CACNB4: variants seen among roughly 807,000 people sequenced by gnomAD.
The protein encoded by CACNB4 is voltage-dependent L-type calcium channel subunit beta-4.
A neutral mutation model predicts 71.2 loss-of-function variants in CACNB4; 32 were observed. That is an observed-to-expected ratio of 0.45 (90% confidence interval 0.34 to 0.60). The LOEUF (loss-of-function observed/expected upper bound fraction) is 0.60. Among genes scored for constraint, CACNB4 ranks in the 20% least tolerant of loss-of-function variants. The pLI is 0.01. For synonymous variants in CACNB4, 231 were observed against 236.9 expected (o/e 0.97, Z 0.23); for missense variants, 464 against 647.9 (o/e 0.72, Z 3.08).
At position 151,838,156 on chromosome 2, in the gene CACNB4, C is replaced by T. The variant is rs540348625; in HGVS notation, c.*963G>A. 1.3e-5 allele frequency: 2 copies of T among 152,648 alleles called. No individual in the cohort carries two copies. Among genetic ancestry groups the T allele is most frequent in the South Asian group, 4.1e-4 (2 of 4,826 alleles). 9.5% of individuals were successfully genotyped at this position (152,648 alleles called of 1,614,324 possible). A position where few individuals can be genotyped will look rare whatever the true frequency, so the allele number is the denominator to read the frequency against. ...TGAATTCCCACCTGGAAGTGTTTAG[C>T]ATTGCACTCGGGAGGATTGGTACCA... On this transcript the variant is annotated 3_prime_UTR_variant, in exon 14 of 14. Transcript: ENST00000539935.
intron 2 of CACNB4, among the ~76,000 whole-genome samples, chr2:152,071,618 T>C (rs1686695663): frequency 6.6e-6 from 1 of 152,222 alleles, no homozygotes; most frequent in South Asian, 2.1e-4. Flanking sequence ...TTGGTTGGTT[T>C]GGTTTTTAAA....
chr2:152,018,752 C>A (rs1230454636), intron 2 of CACNB4, among the ~76,000 whole-genome samples: 1 of 151,644 alleles, frequency 6.6e-6, no homozygotes, highest in African/African-American at 2.4e-5. Flanking sequence ...TGCAGTGACC[C>A]ATAATTGCAC....
intron 2 of CACNB4, among the ~76,000 whole-genome samples, chr2:151,984,701 C>G (rs1334714026): frequency 6.6e-6 from 1 of 152,146 alleles, no homozygotes; most frequent in East Asian, 1.9e-4. Context: ...ATAAACAAAT[C>G]ATGAAGATCC....
At chr2:152,090,730 G>C (rs893022250) in intron 2 of CACNB4, among the ~76,000 whole-genome samples, 1 of 151,832 alleles carries the variant, frequency 6.6e-6, no homozygotes, top group African/African-American at 2.4e-5. Context: ...TAAAACTAAA[G>C]GATAAATATT....
intron 2 of CACNB4, among the ~76,000 whole-genome samples, chr2:151,893,290 G>A (rs933420243): frequency 4.6e-5 from 7 of 152,062 alleles, no homozygotes; most frequent in Non-Finnish European, 7.4e-5. Flanking sequence ...TGCCCAGGCT[G>A]GAGTGCAGAG....
At chr2:152,069,347 G>A (rs1445449149) in intron 2 of CACNB4, among the ~76,000 whole-genome samples, 1 of 152,120 alleles carries the variant, frequency 6.6e-6, no homozygotes, top group East Asian at 1.9e-4. Context: ...TAGTTTGGAG[G>A]GCAGGGGAGG....
chr2:152,045,436 T>G (rs759893566), intron 2 of CACNB4, among the ~76,000 whole-genome samples: 1 of 152,168 alleles, frequency 6.6e-6, no homozygotes, highest in African/African-American at 2.4e-5. Flanking sequence ...GGACAAATAT[T>G]GTGTGATTCC....
In CACNB4 at chr2:151,965,814, G is replaced by T. The variant is rs1214175671; in HGVS notation, c.148-82444C>A. Among the ~76,000 whole-genome samples the T allele has an allele frequency of 2.6e-5, 4 of 152,014 alleles. No homozygotes were observed. The South Asian group carries it at 6.2e-4, about 24-fold the overall frequency. On this transcript the variant is annotated intron_variant, in intron 2 of 13. Coordinates refer to ENST00000539935, the MANE Select transcript of CACNB4 (RefSeq NM_000726.5). ...GGCTGGAAGTGCACCATGGGTATTG[G>T]CAAGCGAACAAGCAATAGACAAAGC...
At chr2:152,092,850 GT>G (rs1487512997) in intron 2 of CACNB4, among the ~76,000 whole-genome samples, 1 of 151,422 alleles carries the variant, frequency 6.6e-6, no homozygotes, top group Non-Finnish European at 1.5e-5. Flanking sequence ...TATATATAAT[GT>G]TTTTTCCTAT....
intron 2 of CACNB4, chr2:151,971,261 C>G: frequency 1.8e-6 from 1 of 552,400 alleles, no homozygotes; most frequent in Non-Finnish European, 3.2e-6. Flanking sequence ...TGTCCCTAGG[C>G]AAGATGATCT....
chr2:151,992,952 C>A (rs1329583449), intron 2 of CACNB4, among the ~76,000 whole-genome samples: 3 of 152,192 alleles, frequency 2.0e-5, no homozygotes, highest in Non-Finnish European at 2.9e-5. Flanking sequence ...CATTTAAGTT[C>A]TCAGGACTGT....
chr2:151,859,488 C>T (rs1045325419), intron 10 of CACNB4: 1 of 152,184 alleles, frequency 6.6e-6, no homozygotes, highest in African/African-American at 2.4e-5. Flanking sequence ...TGAGAAACTT[C>T]AACCTAACTT....
At chr2:152,073,908 A>C (rs1686843989) in intron 2 of CACNB4, among the ~76,000 whole-genome samples, 1 of 152,162 alleles carries the variant, frequency 6.6e-6, no homozygotes, top group Non-Finnish European at 1.5e-5. Flanking sequence ...GTGATGTAGG[A>C]CCAGAAGAGG....
intron 8 of CACNB4, chr2:151,869,480 C>T (rs542185162): frequency 5.6e-6 from 2 of 359,884 alleles, no homozygotes; most frequent in Non-Finnish European, 1.0e-5. Context: ...TCACCAGACC[C>T]TCTTCCCTCT....
intron 2 of CACNB4, among the ~76,000 whole-genome samples, chr2:152,037,579 A>C (rs918962377): frequency 1.3e-5 from 2 of 152,240 alleles, no homozygotes; most frequent in African/African-American, 4.8e-5. Context: ...TTCCATGAAC[A>C]ACTGAATAAT....
intron 13 of CACNB4, 49 bp from the exon 14 acceptor site, chr2:151,839,428 T>C: frequency 7.0e-7 from 1 of 1,422,510 alleles, no homozygotes; most frequent in Non-Finnish European, 9.8e-7. Flanking sequence ...GCTTCATTCA[T>C]CTAAACATGT....
intron 2 of CACNB4, among the ~76,000 whole-genome samples, chr2:152,037,956 T>G (rs1191664305): frequency 6.6e-6 from 1 of 152,114 alleles, no homozygotes; most frequent in Non-Finnish European, 1.5e-5. Context: ...CTGCAACAGC[T>G]GGATGCAGAA....
intron 2 of CACNB4, among the ~76,000 whole-genome samples, chr2:152,077,125 A>G (rs745314785): frequency 1.4e-4 from 22 of 152,342 alleles, no homozygotes; most frequent in Admixed American, 3.3e-4. Flanking sequence ...TTGGCTTATT[A>G]AAAGAACATA....
intron 2 of CACNB4, among the ~76,000 whole-genome samples, chr2:152,022,485 T>C (rs375483475): frequency 2.0e-5 from 3 of 152,332 alleles, no homozygotes; most frequent in East Asian, 1.9e-4. Context: ...ATAATCCCTA[T>C]TGCTACAATT....
Sources: allele counts gnomAD v4.1 joint callset (sites outside exome capture counted in the v4.1 genomes callset), GRCh38; gene constraint gnomAD v4.1.1; transcripts MANE v1.5; gene names NCBI Gene and HGNC (gene_info 2026-07-23, HGNC 2026-07-21).